MAPRE2: variants seen among roughly 807,000 people sequenced by gnomAD.
The protein encoded by MAPRE2 is microtubule associated protein RP/EB family member 2.
A neutral mutation model predicts 43.2 loss-of-function variants in MAPRE2; 13 were observed. That is an observed-to-expected ratio of 0.30 (90% CI 0.20 to 0.48). The LOEUF is 0.48. MAPRE2 is among the 20% of genes least tolerant of loss of function. The pLI is 0.99. For synonymous variants in MAPRE2, 135 were observed against 148.8 expected (o/e 0.91, Z 0.68); for missense variants, 161 against 400.2 (o/e 0.40, Z 5.10).
At position 35,141,297 on chromosome 18, in the gene MAPRE2, A is replaced by AC. The variant is rs1910624074; in HGVS notation, c.*932dup. On this transcript the variant is annotated 3_prime_UTR_variant, in exon 7 of 7. Transcript: ENST00000300249. Reference sequence around the variant, plus strand: ...ACAAAACTGTCATTCACTCTAGGGGACCCCTACTAAAGGGTAACTTCAGGT... The same window carrying AC: ...ACAAAACTGTCATTCACTCTAGGGGACCCCCTACTAAAGGGTAACTTCAGGT... 6.6e-6 allele frequency: 1 copy of AC among 151,928 alleles called. No homozygotes were observed. Among genetic ancestry groups the AC allele is most frequent in the Non-Finnish European group, 1.5e-5 (1 of 68,034 alleles). The allele number at this position is 151,928 out of a possible 1,614,324, so 9.4% of individuals were successfully genotyped here.
intron 4 of MAPRE2, among the ~76,000 whole-genome samples, chr18:35,122,225 T>C (rs1027296057): frequency 4.6e-5 from 7 of 152,214 alleles, no homozygotes; most frequent in African/African-American, 1.7e-4. Flanking sequence ...GAGGGGTAAA[T>C]TACTTCCGTT....
intron 1 of MAPRE2, among the ~76,000 whole-genome samples, chr18:35,058,844 T>C (rs1416271995): frequency 2.6e-5 from 4 of 152,222 alleles, no homozygotes; most frequent in Non-Finnish European, 5.9e-5. Flanking sequence ...TATTTTTTCT[T>C]CCTGCTTAAT....
intron 6 of MAPRE2, 30 bp from the exon 7 acceptor site, chr18:35,140,265 T>C (rs1433536757): frequency 6.2e-7 from 1 of 1,603,120 alleles, no homozygotes; most frequent in Admixed American, 1.7e-5. Flanking sequence ...CAGTCAATTA[T>C]CTCAGCTGAA....
At chr18:35,137,535 C>G (rs1272473052) in intron 6 of MAPRE2, among the ~76,000 whole-genome samples, 1 of 152,240 alleles carries the variant, frequency 6.6e-6, no homozygotes, top group African/African-American at 2.4e-5. Context: ...AACAGTTCCT[C>G]ATTTCTGAAA....
intron 2 of MAPRE2, among the ~76,000 whole-genome samples, chr18:35,005,738 G>A (rs1002052950): frequency 1.3e-5 from 2 of 152,070 alleles, no homozygotes; most frequent in Admixed American, 6.5e-5. Flanking sequence ...CCAAGTGTAC[G>A]AAGGGCTAAT....
At chr18:35,025,215 A>G (rs781581478) in intron 2 of MAPRE2, among the ~76,000 whole-genome samples, 14 of 152,326 alleles carry the variant, frequency 9.2e-5, no homozygotes, top group Non-Finnish European at 1.9e-4. Flanking sequence ...GAAGGAGGCC[A>G]CTTGTGGAAT....
rs149354023 is a variant in MAPRE2 at position 35,013,021 on chromosome 18, T to C, written c.-8+7468T>C. Among the ~76,000 whole-genome samples the C allele has an allele frequency of 3.3e-3, 504 of 152,240 alleles. 2 individuals are homozygous for C. Among genetic ancestry groups the C allele is most frequent in the African/African-American group, 0.012 (478 of 41,564 alleles). The stretch of plus-strand genomic sequence containing the variant: ...CCAAGGGAAAATAGCATTTCAAGAA[T>C]AGCAGGGTCAGGAAATCCACATGCC... On this transcript the variant is annotated intron_variant, in intron 2 of 7. Transcript: ENST00000413393.
intron 1 of MAPRE2, among the ~76,000 whole-genome samples, chr18:35,002,554 C>G (rs938599545): frequency 6.6e-6 from 1 of 152,158 alleles, no homozygotes; most frequent in Non-Finnish European, 1.5e-5. Context: ...CTAGTTTCTT[C>G]AAACCCTCGC....
intron 2 of MAPRE2, among the ~76,000 whole-genome samples, chr18:35,022,180 A>G (rs1188143959): frequency 2.6e-5 from 4 of 152,186 alleles, no homozygotes; most frequent in African/African-American, 9.6e-5. Context: ...GATGAACTCC[A>G]GCAAAGTAAA....
chr18:35,139,665 C>G (rs1910537745), intron 6 of MAPRE2, among the ~76,000 whole-genome samples: 1 of 152,222 alleles, frequency 6.6e-6, no homozygotes, highest in Admixed American at 6.5e-5. Flanking sequence ...GCCTCTTTGC[C>G]TGGGACAACC....
chr18:35,090,932 G>C (rs1908120194), intron 2 of MAPRE2, among the ~76,000 whole-genome samples: 1 of 152,018 alleles, frequency 6.6e-6, no homozygotes, highest in Non-Finnish European at 1.5e-5. Flanking sequence ...CAAACTATCT[G>C]AAAAATTAAG....
intron 2 of MAPRE2, among the ~76,000 whole-genome samples, chr18:35,072,211 C>T (rs936228188): frequency 4.6e-5 from 7 of 152,214 alleles, no homozygotes; most frequent in African/African-American, 1.7e-4. Flanking sequence ...TATTAGCAAT[C>T]ACTTTGTTGA....
chr18:35,005,139 C>G (rs1475388440), intron 1 of MAPRE2, among the ~76,000 whole-genome samples: 1 of 152,082 alleles, frequency 6.6e-6, no homozygotes, highest in Non-Finnish European at 1.5e-5. Flanking sequence ...AGGCACTGCT[C>G]CTTGGGGTTA....
intron 2 of MAPRE2, among the ~76,000 whole-genome samples, chr18:35,078,630 G>C (rs611005): frequency 0.14 from 21,730 of 152,038 alleles, 1,700 homozygotes; most frequent in East Asian, 0.29. Context: ...TGTATGTGTG[G>C]CAGCTGTGGA....
chr18:34,997,598 C>G (rs964616747), intron 1 of MAPRE2, among the ~76,000 whole-genome samples: 1 of 152,022 alleles, frequency 6.6e-6, no homozygotes, highest in African/African-American at 2.4e-5. Context: ...GGCGGATCCC[C>G]TGAGGTAAAG....
chr18:35,055,567 G>GTGTGTGTGTGTGTGTGTGTGTA (rs1555914083), intron 1 of MAPRE2, among the ~76,000 whole-genome samples: 1 of 150,480 alleles, frequency 6.6e-6, no homozygotes, highest in Non-Finnish European at 1.5e-5. Context: ...GTGTGTGTAT[G>GTGTGTGTGTGTGTGTGTGTGTA]TGTGTGTGTG....
chr18:35,140,371 C>T lies in MAPRE2; in HGVS notation c.*2C>T. On this transcript the variant is annotated 3_prime_UTR_variant, in exon 7 of 7. Coordinates refer to ENST00000300249, the MANE Select transcript of MAPRE2 (RefSeq NM_014268.4). Reference sequence around the variant, plus strand: ...CCCCCGCAGCAGGAAGAGTACTGACCCACCCCGGCTGCTCTTGACACTTCC... The same window carrying T: ...CCCCCGCAGCAGGAAGAGTACTGACTCACCCCGGCTGCTCTTGACACTTCC... 6.2e-7 allele frequency: 1 copy of T among 1,609,824 alleles called. No homozygotes were observed. Among genetic ancestry groups the T allele is most frequent in the Non-Finnish European group, 8.5e-7 (1 of 1,178,142 alleles).
At position 35,127,146 on chromosome 18, in the gene MAPRE2, G is replaced by T. The variant is rs761544866; in HGVS notation, c.750+59G>T. ...CAGTGACGTGTGTAAGAGGTAGGGG[G>T]CCTAGGATCCCCTAGGACTGGGGTA... On this transcript the variant is annotated intron_variant, in intron 5 of 6. Transcript: ENST00000300249. The T allele has an allele frequency of 5.7e-6, 9 of 1,579,080 alleles. No homozygotes were observed. In the East Asian group the frequency reaches 1.8e-4, roughly 31 times the overall value.
intron 2 of MAPRE2, among the ~76,000 whole-genome samples, chr18:35,006,011 C>T (rs1189637071): frequency 6.6e-6 from 1 of 152,174 alleles, no homozygotes. Context: ...GATGACGAAC[C>T]TGGAAAGCCT....
Sources: gnomAD v4.1 joint callset for allele counts (sites outside exome capture counted in the v4.1 genomes callset) on GRCh38, gnomAD v4.1.1 for gene constraint, MANE v1.5 for transcripts, NCBI Gene and HGNC (gene_info 2026-07-23, HGNC 2026-07-21) for gene names.